Variants in PIEZO1 observed in about 807,000 individuals in gnomAD.
PIEZO1 encodes piezo-type mechanosensitive ion channel component 1.
A neutral mutation model predicts 297.2 loss-of-function variants in PIEZO1; 296 were observed. The observed-to-expected ratio is 1.00, with a 90% CI of 0.91 to 1.10. The LOEUF (loss-of-function observed/expected upper bound fraction) is 1.10, where lower values mean the gene tolerates loss of function less well. Among genes scored for constraint, PIEZO1 ranks in the 50% least tolerant of loss-of-function variants. PIEZO1 has a pLI of 0.00. For missense variants in PIEZO1, 5,018 were observed against 3,455.5 expected (o/e 1.45, Z -11.34); for synonymous variants, 2,427 against 1,507.5 (o/e 1.61, Z -14.13).
chr16:88,719,538 G>A (rs1912277132), intron 44 of PIEZO1, 36 bp downstream of exon 44: 4 of 1,528,446 alleles, frequency 2.6e-6, no homozygotes, highest in African/African-American at 1.4e-5. Context: ...GCATATCCCT[G>A]GCCCTTGTCC....
chr16:88,720,316 C>T, intron 41 of PIEZO1, 33 bp from the exon 42 acceptor site: 1 of 1,550,074 alleles, frequency 6.5e-7, no homozygotes, highest in Non-Finnish European at 8.7e-7. Flanking sequence ...CAGGGGGAGC[C>T]AAGCCCAGGG....
chr16:88,777,821 C>T lies in PIEZO1; in HGVS notation c.64+7080G>A, dbSNP rs115485035. ...AAGACCAGACCTGGGGTCCTTGAGG[C>T]CCCTCCAGGGCAGGCAGCCCCAAAC... On this transcript the variant is annotated intron_variant, in intron 1 of 50. Transcript: ENST00000301015. 9.9e-3 allele frequency among the ~76,000 whole-genome samples: 1,500 copies of T among 152,224 alleles called. 29 individuals carry two copies. The highest frequency in any genetic ancestry group is 0.034 in the African/African-American group (1,426 of 41,520).
intron 30 of PIEZO1, 147 bp from the exon 31 acceptor site, chr16:88,724,118 C>A (rs1030554456): frequency 6.5e-6 from 4 of 618,830 alleles, no homozygotes; most frequent in African/African-American, 1.8e-5. Flanking sequence ...CAGGCCAGCG[C>A]GGTGGGACAA....
intron 1 of PIEZO1, among the ~76,000 whole-genome samples, chr16:88,768,821 C>T (rs149194020): frequency 0.016 from 2,387 of 152,320 alleles, 36 homozygotes; most frequent in Middle Eastern, 0.044. Flanking sequence ...GGCAGGCCAG[C>T]GACACCGCGA....
In PIEZO1 at chr16:88,732,750, A is replaced by G; in HGVS notation, c.2665-18T>C. 1 of 1,532,466 alleles carries G rather than the reference A, an allele frequency of 6.5e-7. No homozygotes were observed. Among genetic ancestry groups the G allele is most frequent in the Non-Finnish European group, 8.8e-7 (1 of 1,136,324 alleles). The allele number at this position is 1,532,466 out of a possible 1,614,324, so 94.9% of individuals were successfully genotyped here. ...GGGAAGGGCTGGCAAGAGGCCAGGC[A>G]TCAGTGCCCCCTCCCAGGCCACAGT... On this transcript the variant is annotated intron_variant, in intron 19 of 50. Transcript: ENST00000301015.
At chr16:88,742,861 G>T (rs113482128) in intron 2 of PIEZO1, 1 of 355,770 alleles carries the variant, frequency 2.8e-6, no homozygotes, top group Non-Finnish European at 5.6e-6. Flanking sequence ...CTGAGCAGCC[G>T]TGGCTGGGGT....
At position 88,727,083 on chromosome 16, in the gene PIEZO1, C is replaced by G. The variant is rs555382124; in HGVS notation, c.3411G>C (p.Pro1137=). The part of the protein sequence containing the change: ...MAGVNTDRLE[P]LRGEPNPVPN... ...GCACGGGGTTGGGCTCCCCCCGCAGCGGCTCCAGGCGGTCGGTGTTGACGC... is the reference window on the plus strand; with the variant it reads ...GCACGGGGTTGGGCTCCCCCCGCAGGGGCTCCAGGCGGTCGGTGTTGACGC... The change falls in exon 24 of 51, where the codon CCG becomes CCC. Residue 1137 remains proline (P), a synonymous_variant. Coordinates refer to ENST00000301015, the MANE Select transcript of PIEZO1 (RefSeq NM_001142864.4). 1 of 1,549,488 alleles carries G rather than the reference C, an allele frequency of 6.5e-7. No individual in the cohort carries two copies. The highest frequency in any genetic ancestry group is 1.4e-5 in the African/African-American group (1 of 73,046).
In PIEZO1 at chr16:88,727,606, C is replaced by G; in HGVS notation, c.3252G>C (p.Trp1084Cys). The stretch of plus-strand genomic sequence containing the variant: ...CCCGGAAGAAATCAGGCAGGTACAG[C>G]CACTTGATGAGTGCGGAGTTCATGG... ...AVPMNSALIK[W>C]LYLPDFFRAP... Residue 1084 changes from tryptophan (W) to cysteine (C), a missense_variant, in exon 23 of 51, where the codon TGG becomes TGC. Transcript: ENST00000301015. The G allele has an allele frequency of 6.5e-7, 1 of 1,536,794 alleles. No individual in the cohort carries two copies. The highest frequency in any genetic ancestry group is 8.8e-7 in the Non-Finnish European group (1 of 1,138,514).
In PIEZO1 at chr16:88,721,662, A is replaced by G; in HGVS notation, c.5279T>C (p.Leu1760Pro). The change falls in exon 38 of 51, where the codon CTG (leucine) becomes CCG (proline). Residue 1760 changes from leucine to proline, a missense_variant. Coordinates refer to ENST00000301015, the MANE Select transcript of PIEZO1 (RefSeq NM_001142864.4). ...GFFPWNSHVV[L>P]RRYENKPYFP... The stretch of plus-strand genomic sequence containing the variant: ...GTAGGGCTTGTTCTCGTAGCGCCGC[A>G]GCACCACGTGGCTGTTCCAGGGGAA... 6.5e-7 allele frequency: 1 copy of G among 1,550,012 alleles called. No individual in the cohort carries two copies. The highest frequency in any genetic ancestry group is 8.7e-7 in the Non-Finnish European group (1 of 1,146,824).
intron 33 of PIEZO1, 25 bp from the exon 34 acceptor site, chr16:88,723,034 T>G: frequency 6.5e-7 from 1 of 1,543,492 alleles, no homozygotes; most frequent in Non-Finnish European, 8.7e-7. Context: ...GAGGGGGCGC[T>G]GGAGGGGCAG....
Position 88,721,714 on chromosome 16 carries a change from C to A in PIEZO1, c.5227G>T (p.Val1743Phe). ...AIVFTEIAVV[V>F]KYLFQFGFFP... Reference sequence around the variant, plus strand: ...AACCCAAACTGGAACAGGTACTTGACGACCACCGCGATCTGTGGGGGAGGG... The same window carrying A: ...AACCCAAACTGGAACAGGTACTTGAAGACCACCGCGATCTGTGGGGGAGGG... The change falls in exon 38 of 51, where the codon GTC (valine) becomes TTC (phenylalanine). Residue 1743 changes from valine (V) to phenylalanine (F), a missense_variant. Transcript: ENST00000301015. 3 of 1,542,208 alleles carry A rather than the reference C, an allele frequency of 1.9e-6. No individual in the cohort carries two copies. The highest frequency in any genetic ancestry group is 2.6e-6 in the Non-Finnish European group (3 of 1,143,370).
Position 88,716,357 on chromosome 16 carries a change from TCA to T in PIEZO1, c.7049+2_7049+3del. On this transcript the variant is annotated splice_donor_variant and splice_donor_region_variant and intron_variant, in intron 48 of 50. Coordinates refer to ENST00000301015, the MANE Select transcript of PIEZO1 (RefSeq NM_001142864.4). LOFTEE classifies it high-confidence loss of function. The stretch of plus-strand genomic sequence containing the variant: ...CCTGCCCACCACCCGGGCCCTTCAC[TCA>T]CACAGACTGGTCCGAGGTGCCCTCG... The T allele has an allele frequency of 2.0e-6, 3 of 1,528,892 alleles. No individual in the cohort carries two copies. The highest frequency in any genetic ancestry group is 2.6e-6 in the Non-Finnish European group (3 of 1,133,744). The allele number at this position is 1,528,892 out of a possible 1,614,324, so 94.7% of individuals were successfully genotyped here.
chr16:88,717,342 G>A (rs1052805014), intron 44 of PIEZO1, 131 bp from the exon 45 acceptor site: 3 of 739,646 alleles, frequency 4.1e-6, no homozygotes, highest in Non-Finnish European at 7.0e-6. Context: ...CGGTAGTAAT[G>A]GTGGGCAGAC....
chr16:88,768,699 G>GC (rs1304186230), intron 1 of PIEZO1, among the ~76,000 whole-genome samples: 1 of 152,182 alleles, frequency 6.6e-6, no homozygotes, highest in East Asian at 1.9e-4. Context: ...GGATGGATGC[G>GC]CCCTTCCTGG....
intron 2 of PIEZO1, chr16:88,744,488 G>T (rs1329630041): frequency 1.3e-5 from 2 of 151,964 alleles, no homozygotes; most frequent in South Asian, 2.1e-4. Context: ...CTGCACACAC[G>T]ATCCAGCAGC....
chr16:88,776,568 G>A (rs1344974210), intron 1 of PIEZO1, among the ~76,000 whole-genome samples: 1 of 152,214 alleles, frequency 6.6e-6, no homozygotes, highest in African/African-American at 2.4e-5. Context: ...ACATCTAGGA[G>A]GGGAGGAAGG....
Position 88,719,659 on chromosome 16 carries a change from G to T in PIEZO1, c.6386C>A (p.Thr2129Asn), listed in dbSNP as rs749561071. 14 of 1,553,826 alleles carry T rather than the reference G, an allele frequency of 9.0e-6. No individual in the cohort carries two copies. The highest frequency in any genetic ancestry group is 1.1e-5 in the Non-Finnish European group (13 of 1,148,934). The change falls in exon 44 of 51, where the codon ACC (threonine) becomes AAC (asparagine). Residue 2129 changes from threonine to asparagine, a missense_variant. Coordinates refer to ENST00000301015, the MANE Select transcript of PIEZO1 (RefSeq NM_001142864.4). ...RAVMDWVWTD[T>N]TLSLSSWMCV... is the part of the protein sequence containing the mutation. Reference sequence around the variant, plus strand: ...CATCCAGCTGGACAGGGACAGCGTGGTGTCCGTCCACACCCAGTCCATCAC... The same window carrying T: ...CATCCAGCTGGACAGGGACAGCGTGTTGTCCGTCCACACCCAGTCCATCAC...
intron 19 of PIEZO1, 155 bp from the exon 20 acceptor site, chr16:88,732,887 G>C: frequency 4.2e-6 from 3 of 721,338 alleles, no homozygotes; most frequent in East Asian, 2.7e-5. Flanking sequence ...CACGGGGAAG[G>C]GGACCAGGTG....
Position 88,721,287 on chromosome 16 carries a change from T to A in PIEZO1, c.5547A>T (p.Gly1849=). 8 of 1,544,796 alleles carry A rather than the reference T, an allele frequency of 5.2e-6. No individual in the cohort carries two copies. Among genetic ancestry groups the A allele is most frequent in the Non-Finnish European group, 7.0e-6 (8 of 1,146,628 alleles). The change falls in exon 39 of 51, where the codon GGA becomes GGT. Residue 1849 remains glycine (G), a synonymous_variant. Coordinates refer to ENST00000301015, the MANE Select transcript of PIEZO1 (RefSeq NM_001142864.4). ...GGGGTTCTGGGGTCCCGTCCGTGGG[T>A]CCGACCCTGGCTTCCACCTGAATGT... The part of the protein sequence containing the change: ...EDHIQVEARV[G]PTDGTPEPQV...
Sources: gnomAD v4.1 joint callset for allele counts (sites outside exome capture counted in the v4.1 genomes callset) on GRCh38, gnomAD v4.1.1 for gene constraint, MANE v1.5 for transcripts, NCBI Gene and HGNC (gene_info 2026-07-23, HGNC 2026-07-21) for gene names.